Variants in LRPPRC observed in about 807,000 individuals in gnomAD.
LRPPRC encodes leucine rich pentatricopeptide repeat containing.
Under a neutral mutation model 180.3 loss-of-function variants are expected in LRPPRC, and 120 were observed. The ratio of observed to expected loss-of-function variants is 0.67; its 90% CI spans 0.57 to 0.77. The LOEUF (loss-of-function observed/expected upper bound fraction) is 0.77, where lower values mean the gene tolerates loss of function less well. LRPPRC is among the 30% of genes least tolerant of loss of function. The probability of loss-of-function intolerance (pLI) is 0.00; values close to 1 mark genes in which losing one functional copy is unlikely to be tolerated. For missense variants in LRPPRC, 2,012 were observed against 1,657.2 expected (o/e 1.21, Z -3.72); for synonymous variants, 723 against 600.0 (o/e 1.21, Z -3.00).
At chr2:43,971,685 A>C (rs1014131556) in intron 11 of LRPPRC, among the ~76,000 whole-genome samples, 2 of 151,892 alleles carry the variant, frequency 1.3e-5, no homozygotes, top group African/African-American at 4.8e-5. Flanking sequence ...TTCTTCTGTG[A>C]TTTCTACCAT....
chr2:43,906,973 G>T (rs1216944924), intron 30 of LRPPRC, among the ~76,000 whole-genome samples: 1 of 152,130 alleles, frequency 6.6e-6, no homozygotes, highest in Non-Finnish European at 1.5e-5. Flanking sequence ...ATGAGACTAA[G>T]AATTGCACAA....
Position 43,918,006 on chromosome 2 carries a change from C to G in LRPPRC, c.3148+19G>C, listed in dbSNP as rs754617597. On this transcript the variant is annotated intron_variant, in intron 29 of 37. Transcript: ENST00000260665. ...AAGACCACCCCCCCACACACACCCCCATCCCCGTATGTGCTTGCCTTTTTT... is the reference window on the plus strand; with the variant it reads ...AAGACCACCCCCCCACACACACCCCGATCCCCGTATGTGCTTGCCTTTTTT... The G allele has an allele frequency of 6.5e-7, 1 of 1,537,464 alleles. No individual in the cohort carries two copies. Among genetic ancestry groups the G allele is most frequent in the South Asian group, 1.1e-5 (1 of 89,214 alleles).
intron 32 of LRPPRC, among the ~76,000 whole-genome samples, 196 bp downstream of exon 32, chr2:43,901,124 G>A (rs1670867558): frequency 6.6e-6 from 1 of 152,244 alleles, no homozygotes; most frequent in South Asian, 2.1e-4. Flanking sequence ...GGTAAATGCT[G>A]TTTATTCTAA....
chr2:43,899,964 C>G (rs1670827817), intron 32 of LRPPRC, among the ~76,000 whole-genome samples: 2 of 152,132 alleles, frequency 1.3e-5, no homozygotes, highest in South Asian at 4.1e-4. Context: ...ATTTTTGCCA[C>G]TCTTTGGATA....
chr2:43,894,526 C>G lies in LRPPRC; in HGVS notation c.3985+19G>C, dbSNP rs779892118. 2 of 1,153,698 alleles carry G rather than the reference C, an allele frequency of 1.7e-6. No individual in the cohort carries two copies. The highest frequency in any genetic ancestry group is 1.2e-5 in the South Asian group (1 of 80,808). 71.5% of individuals were successfully genotyped at this position (1,153,698 alleles called of 1,614,324 possible). ...AAGCCATTTAAATAAATAATATAGT[C>G]AAATTAAACTTATATTACCATAGCT... On this transcript the variant is annotated intron_variant, in intron 36 of 37. Transcript: ENST00000260665.
chr2:43,917,877 T>A, intron 29 of LRPPRC, 148 bp downstream of exon 29: 1 of 627,596 alleles, frequency 1.6e-6, no homozygotes. Flanking sequence ...AATGTTTTCG[T>A]TAAAGTATGG....
intron 23 of LRPPRC, among the ~76,000 whole-genome samples, chr2:43,936,606 A>C (rs1672287502): frequency 1.3e-5 from 2 of 152,236 alleles, no homozygotes; most frequent in Admixed American, 1.3e-4. Flanking sequence ...ATCTGATTTT[A>C]AGCTGTACTA....
chr2:43,954,334 C>T lies in LRPPRC; in HGVS notation c.1649+3051G>A, dbSNP rs72798862. Among the ~76,000 whole-genome samples, 528 of 152,266 alleles carry T rather than the reference C, an allele frequency of 3.5e-3. No individual in the cohort carries two copies. In the Middle Eastern group the frequency reaches 0.041, roughly 12 times the overall value. On this transcript the variant is annotated intron_variant, in intron 14 of 37. Coordinates refer to ENST00000260665, the MANE Select transcript of LRPPRC (RefSeq NM_133259.4). ...TATTTCATAGAAGAAATCCAAATGG[C>T]CAATAAGTATGCTCTAACCCTGCTT...
intron 11 of LRPPRC, among the ~76,000 whole-genome samples, chr2:43,964,762 T>C (rs1456949519): frequency 1.3e-5 from 2 of 152,140 alleles, no homozygotes; most frequent in Admixed American, 6.6e-5. Context: ...CTTTAAACAG[T>C]TCACCATATA....
intron 12 of LRPPRC, among the ~76,000 whole-genome samples, chr2:43,960,908 A>T (rs1160812844): frequency 6.6e-6 from 1 of 152,200 alleles, no homozygotes; most frequent in Non-Finnish European, 1.5e-5. Flanking sequence ...TAATTCTCCC[A>T]TTCAAGACAA....
intron 14 of LRPPRC, among the ~76,000 whole-genome samples, chr2:43,950,860 A>G (rs1672872856): frequency 1.3e-5 from 2 of 152,186 alleles, no homozygotes; most frequent in Non-Finnish European, 2.9e-5. Context: ...ACCTGAGGTC[A>G]GGAGTTTGAG....
At chr2:43,919,103 C>CA (rs1558939357) in intron 27 of LRPPRC, among the ~76,000 whole-genome samples, 2,237 of 152,130 alleles carry the variant, frequency 0.015, 60 homozygotes, top group African/African-American at 0.05. Context: ...GTCAGATCAG[C>CA]GGCAGCATTA....
At chr2:43,946,377 G>A in intron 20 of LRPPRC, 134 bp from the exon 21 acceptor site, 1 of 693,298 alleles carries the variant, frequency 1.4e-6, no homozygotes, top group Non-Finnish European at 2.6e-6. Flanking sequence ...TTAACAACCT[G>A]ACTCTGCCCC....
At position 43,887,562 on chromosome 2, in the gene LRPPRC, C is replaced by T. The variant is rs1368305051; in HGVS notation, c.*1038G>A. Reference sequence around the variant, plus strand: ...CCAAATTCAAATGAACAAGGAATACCCCAAAATGGGGAGAGTTCTCAAAAC... The same window carrying T: ...CCAAATTCAAATGAACAAGGAATACTCCAAAATGGGGAGAGTTCTCAAAAC... On this transcript the variant is annotated 3_prime_UTR_variant, in exon 38 of 38. Transcript: ENST00000260665. 1 of 152,136 alleles carries T rather than the reference C, an allele frequency of 6.6e-6. No individual in the cohort carries two copies. The highest frequency in any genetic ancestry group is 1.5e-5 in the Non-Finnish European group (1 of 68,032). The allele number at this position is 152,136 out of a possible 1,614,324, so 9.4% of individuals were successfully genotyped here.
intron 31 of LRPPRC, chr2:43,903,877 A>C (rs1391850891): frequency 6.6e-6 from 1 of 152,188 alleles, no homozygotes; most frequent in African/African-American, 2.4e-5. Flanking sequence ...TATGGCGAGC[A>C]AGTTTAACTT....
intron 37 of LRPPRC, among the ~76,000 whole-genome samples, chr2:43,888,927 T>C (rs1440471942): frequency 6.6e-6 from 1 of 152,146 alleles, no homozygotes; most frequent in Non-Finnish European, 1.5e-5. Flanking sequence ...TATGGAGGTA[T>C]GGGTATGGAA....
intron 11 of LRPPRC, among the ~76,000 whole-genome samples, chr2:43,969,755 T>C (rs951926115): frequency 6.6e-6 from 1 of 152,176 alleles, no homozygotes; most frequent in Middle Eastern, 3.2e-3. Flanking sequence ...CTGCAGTGGC[T>C]ACGATCAAGG....
rs114993728 is a variant in LRPPRC at position 43,994,137 on chromosome 2, A to C, written c.149+1662T>G. Among the ~76,000 whole-genome samples the C allele has an allele frequency of 5.9e-3, 904 of 152,302 alleles. 10 individuals are homozygous for C. Among genetic ancestry groups the C allele is most frequent in the African/African-American group, 0.021 (860 of 41,560 alleles). ...GCTGAGGATTAGAAAAATAAGAGTA[A>C]TGGGCACAACTTTCTCAAAAGAAAC... On this transcript the variant is annotated intron_variant, in intron 1 of 37. Coordinates refer to ENST00000260665, the MANE Select transcript of LRPPRC (RefSeq NM_133259.4).
chr2:43,948,539 A>G, intron 16 of LRPPRC, 21 bp from the exon 17 acceptor site: 3 of 1,184,514 alleles, frequency 2.5e-6, no homozygotes, highest in Non-Finnish European at 3.8e-6. Flanking sequence ...AAACAAGAGA[A>G]AGCATTCCAC....
Sources: gnomAD v4.1 joint callset for allele counts (sites outside exome capture counted in the v4.1 genomes callset) on GRCh38, gnomAD v4.1.1 for gene constraint, MANE v1.5 for transcripts, NCBI Gene and HGNC (gene_info 2026-07-23, HGNC 2026-07-21) for gene names.